Variants in SDK1 observed in about 807,000 individuals in gnomAD.
The protein encoded by SDK1 is protein sidekick-1.
In SDK1, 157 loss-of-function variants were observed where a neutral mutation model predicts 245.5. The ratio of observed to expected loss-of-function variants is 0.64; its 90% CI spans 0.56 to 0.73. SDK1 has a LOEUF of 0.73. Among genes scored for constraint, SDK1 ranks in the 30% least tolerant of loss-of-function variants. The pLI, the probability that SDK1 is intolerant of heterozygous loss-of-function variation, is 0.00. For synonymous variants in SDK1, 1,647 were observed against 1,278.5 expected (o/e 1.29, Z -6.15); for missense variants, 3,583 against 3,002.3 (o/e 1.19, Z -4.52).
intron 5 of SDK1, among the ~76,000 whole-genome samples, chr7:3,948,541 C>A (rs183397641): frequency 2.6e-5 from 4 of 152,274 alleles, no homozygotes; most frequent in South Asian, 2.1e-4. Context: ...GGATGACAGG[C>A]GTGAGCCACC....
chr7:3,464,698 G>A lies in SDK1; in HGVS notation c.299-154382G>A, dbSNP rs1012672853. ...TTATTCCCGTTCATTGTGTATGTAT[G>A]TATATATATATATATATACACACAC... On this transcript the variant is annotated intron_variant, in intron 1 of 44. Coordinates refer to ENST00000404826, the MANE Select transcript of SDK1 (RefSeq NM_152744.4). Among the ~76,000 whole-genome samples the A allele has an allele frequency of 4.1e-3, 606 of 148,108 alleles. 7 individuals are homozygous for A. The highest frequency in any genetic ancestry group is 0.016 in the South Asian group (74 of 4,712).
intron 4 of SDK1, among the ~76,000 whole-genome samples, chr7:3,794,661 C>G (rs1338253463): frequency 6.6e-6 from 1 of 152,188 alleles, no homozygotes; most frequent in East Asian, 1.9e-4. Flanking sequence ...GTCCTCACAG[C>G]AAGAAGGCCC....
chr7:3,674,177 T>A (rs965311270), intron 4 of SDK1, among the ~76,000 whole-genome samples: 4 of 152,132 alleles, frequency 2.6e-5, no homozygotes, highest in Non-Finnish European at 1.5e-5. Context: ...CACTAAAAGA[T>A]AAGGGAAAGA....
intron 44 of SDK1, among the ~76,000 whole-genome samples, chr7:4,259,781 G>A (rs956196394): frequency 6.6e-6 from 1 of 152,162 alleles, no homozygotes; most frequent in Non-Finnish European, 1.5e-5. Flanking sequence ...TGGAATGGAG[G>A]GTTGTACACC....
chr7:3,613,008 A>G (rs1330658860), intron 1 of SDK1, among the ~76,000 whole-genome samples: 1 of 152,180 alleles, frequency 6.6e-6, no homozygotes, highest in Non-Finnish European at 1.5e-5. Context: ...GAAAAGGGCA[A>G]ATTATCAAAT....
intron 44 of SDK1, among the ~76,000 whole-genome samples, chr7:4,250,193 A>G (rs968792602): frequency 6.6e-6 from 1 of 152,212 alleles, no homozygotes; most frequent in South Asian, 2.1e-4. Context: ...TGATGATTGC[A>G]ACGCATTTGA....
At chr7:3,477,537 G>A (rs972669943) in intron 1 of SDK1, among the ~76,000 whole-genome samples, 10 of 148,342 alleles carry the variant, frequency 6.7e-5, no homozygotes, top group African/African-American at 2.5e-4. Flanking sequence ...TTTAAGAGAT[G>A]GGGGTCTCAC....
At chr7:3,596,257 A>G (rs1781059061) in intron 1 of SDK1, among the ~76,000 whole-genome samples, 1 of 152,136 alleles carries the variant, frequency 6.6e-6, no homozygotes, top group Non-Finnish European at 1.5e-5. Flanking sequence ...AGAGTTAAAC[A>G]GTAATAGGAG....
intron 1 of SDK1, among the ~76,000 whole-genome samples, chr7:3,512,101 C>T (rs1293460439): frequency 1.3e-5 from 2 of 151,904 alleles, no homozygotes; most frequent in Non-Finnish European, 2.9e-5. Flanking sequence ...CCTTAAAATC[C>T]TCTGACCTCT....
chr7:3,556,511 T>C (rs187068858), intron 1 of SDK1, among the ~76,000 whole-genome samples: 1 of 152,242 alleles, frequency 6.6e-6, no homozygotes, highest in Admixed American at 6.5e-5. Context: ...CTAAAGTCAA[T>C]AATTTATTAT....
At chr7:3,848,430 TAGG>T (rs1780335145) in intron 5 of SDK1, among the ~76,000 whole-genome samples, 1 of 152,006 alleles carries the variant, frequency 6.6e-6, no homozygotes, top group Non-Finnish European at 1.5e-5. Context: ...CTTGTTAAAG[TAGG>T]AGGAGGGTGA....
At chr7:3,649,790 G>C (rs1358939794) in intron 4 of SDK1, among the ~76,000 whole-genome samples, 1 of 152,120 alleles carries the variant, frequency 6.6e-6, no homozygotes, top group Admixed American at 6.5e-5. Flanking sequence ...CCGTGTATAT[G>C]AGGCTGTTCT....
chr7:3,755,173 A>T (rs1370931434), intron 4 of SDK1, among the ~76,000 whole-genome samples: 1 of 152,140 alleles, frequency 6.6e-6, no homozygotes, highest in Non-Finnish European at 1.5e-5. Flanking sequence ...GCTCACTCTG[A>T]TTGGAGGCTG....
chr7:3,373,836 C>A (rs937971812), intron 1 of SDK1, among the ~76,000 whole-genome samples: 1 of 152,054 alleles, frequency 6.6e-6, no homozygotes, highest in African/African-American at 2.4e-5. Flanking sequence ...TATATATTAA[C>A]CATTTATAAT....
chr7:3,796,414 G>A (rs949910586), intron 4 of SDK1, among the ~76,000 whole-genome samples: 132 of 152,308 alleles, frequency 8.7e-4, no homozygotes, highest in African/African-American at 2.9e-3. Context: ...AAGCTGTTTC[G>A]CTGTTGCTTC....
chr7:4,152,626 C>T (rs1780460835), intron 30 of SDK1, among the ~76,000 whole-genome samples: 1 of 152,160 alleles, frequency 6.6e-6, no homozygotes, highest in South Asian at 2.1e-4. Context: ...TGTCAATTTC[C>T]TAATGGGCCA....
At chr7:4,232,348 A>G (rs1477315432) in intron 40 of SDK1, among the ~76,000 whole-genome samples, 1 of 136,550 alleles carries the variant, frequency 7.3e-6, no homozygotes, top group Non-Finnish European at 1.6e-5. Flanking sequence ...CTATAGTGTC[A>G]TAAGTTTTTT....
chr7:3,492,618 A>G (rs1296791436), intron 1 of SDK1, among the ~76,000 whole-genome samples: 1 of 152,228 alleles, frequency 6.6e-6, no homozygotes, highest in East Asian at 1.9e-4. Context: ...CCTGTTCCTC[A>G]GCGTAGCCAA....
intron 1 of SDK1, among the ~76,000 whole-genome samples, chr7:3,433,883 G>C (rs145458530): frequency 1.3e-5 from 2 of 152,282 alleles, no homozygotes; most frequent in Non-Finnish European, 2.9e-5. Context: ...TTTAGACACA[G>C]TTTTACATGA....
Sources: allele counts gnomAD v4.1 joint callset (sites outside exome capture counted in the v4.1 genomes callset), GRCh38; gene constraint gnomAD v4.1.1; transcripts MANE v1.5; gene names NCBI Gene and HGNC (gene_info 2026-07-23, HGNC 2026-07-21).